NSMCE2: variants seen among roughly 807,000 people sequenced by gnomAD.
NSMCE2 encodes E3 SUMO-protein ligase NSE2.
Under a neutral mutation model 23.8 loss-of-function variants are expected in NSMCE2, and 24 were observed. That is an observed-to-expected ratio of 1.01 (90% CI 0.73 to 1.42). NSMCE2 has a LOEUF of 1.42. Ranked by LOEUF, NSMCE2 falls within the 40% of genes most tolerant of loss-of-function variation. The pLI is 0.00. For missense variants in NSMCE2, 284 were observed against 296.5 expected (o/e 0.96, Z 0.31); for synonymous variants, 92 against 94.1 (o/e 0.98, Z 0.13).
chr8:125,095,591 T>C (rs1482902522), intron 1 of NSMCE2, among the ~76,000 whole-genome samples: 1 of 149,030 alleles, frequency 6.7e-6, no homozygotes, highest in Non-Finnish European at 1.5e-5. Context: ...AGACCCTGTC[T>C]CAAAAACAAA....
At chr8:125,144,356 G>A (rs1820551055) in intron 3 of NSMCE2, among the ~76,000 whole-genome samples, 1 of 152,200 alleles carries the variant, frequency 6.6e-6, no homozygotes, top group South Asian at 2.1e-4. Flanking sequence ...TGGTCTGTTA[G>A]CCATGCCCAC....
chr8:125,222,417 A>G (rs1197547791), intron 5 of NSMCE2, among the ~76,000 whole-genome samples: 8 of 152,186 alleles, frequency 5.3e-5, no homozygotes, highest in African/African-American at 1.9e-4. Context: ...CAAATACATT[A>G]TTAATAATGT....
chr8:125,237,188 C>G (rs1428998160), intron 5 of NSMCE2, among the ~76,000 whole-genome samples: 1 of 152,194 alleles, frequency 6.6e-6, no homozygotes, highest in East Asian at 1.9e-4. Context: ...CATGAAATTA[C>G]CCCCTGAAAA....
At chr8:125,272,716 AAT>A (rs67522578) in intron 5 of NSMCE2, among the ~76,000 whole-genome samples, 3 of 140,488 alleles carry the variant, frequency 2.1e-5, no homozygotes, top group African/African-American at 8.0e-5. Flanking sequence ...ATATATATAT[AAT>A]ATATATATAT....
At chr8:125,334,061 T>C (rs1327270978) in intron 5 of NSMCE2, among the ~76,000 whole-genome samples, 1 of 152,186 alleles carries the variant, frequency 6.6e-6, no homozygotes, top group Non-Finnish European at 1.5e-5. Flanking sequence ...GTGTCTGTAC[T>C]TTCTCATCTG....
At chr8:125,325,424 C>T (rs1829627970) in intron 5 of NSMCE2, among the ~76,000 whole-genome samples, 1 of 152,208 alleles carries the variant, frequency 6.6e-6, no homozygotes, top group African/African-American at 2.4e-5. Context: ...GATCTCGGCT[C>T]ATTGCAACCT....
In NSMCE2 at chr8:125,196,359, C is replaced by G. The variant is rs190697785; in HGVS notation, c.418+14103C>G. 2.0e-5 allele frequency among the ~76,000 whole-genome samples: 3 copies of G among 152,192 alleles called. No homozygotes were observed. In the East Asian group the frequency reaches 5.8e-4, roughly 29 times the overall value. On this transcript the variant is annotated intron_variant, in intron 5 of 7. Coordinates refer to ENST00000287437, the MANE Select transcript of NSMCE2 (RefSeq NM_173685.4). ...TAATGCTATCCCTCCCCCAGCACCC[C>G]TACTCCCTGACAAGCCGTGGTGTGT...
At chr8:125,206,944 A>AC (rs907870358) in intron 5 of NSMCE2, among the ~76,000 whole-genome samples, 31 of 152,284 alleles carry the variant, frequency 2.0e-4, no homozygotes, top group Admixed American at 1.7e-3. Flanking sequence ...GGGGAGAAGG[A>AC]CCAAGGGGCT....
intron 5 of NSMCE2, among the ~76,000 whole-genome samples, chr8:125,323,945 A>G (rs1829547895): frequency 6.6e-6 from 1 of 150,970 alleles, no homozygotes; most frequent in Non-Finnish European, 1.5e-5. Context: ...AGATCTCTCA[A>G]AACTCAATAA....
chr8:125,296,772 T>G (rs1162858436), intron 5 of NSMCE2, among the ~76,000 whole-genome samples: 1 of 152,098 alleles, frequency 6.6e-6, no homozygotes, highest in Admixed American at 6.6e-5. Flanking sequence ...CATAAGACAA[T>G]AACTGCTGAG....
At chr8:125,108,107 T>C (rs1461795972) in intron 3 of NSMCE2, among the ~76,000 whole-genome samples, 1 of 151,894 alleles carries the variant, frequency 6.6e-6, no homozygotes, top group East Asian at 1.9e-4. Flanking sequence ...CAGAAGAAAT[T>C]ACGATGAAAA....
chr8:125,253,993 T>G (rs11991576), intron 5 of NSMCE2, among the ~76,000 whole-genome samples: 1 of 152,162 alleles, frequency 6.6e-6, no homozygotes, highest in African/African-American at 2.4e-5. Flanking sequence ...TCAAAAGGCC[T>G]AGAAGATAAC....
At chr8:125,130,275 G>C (rs1819705106) in intron 3 of NSMCE2, 1 of 456,008 alleles carries the variant, frequency 2.2e-6, no homozygotes, top group Admixed American at 2.3e-5. Context: ...CAAAGCTAGT[G>C]CAAGTCATCA....
At chr8:125,299,348 A>G (rs763190874) in intron 5 of NSMCE2, among the ~76,000 whole-genome samples, 1 of 152,240 alleles carries the variant, frequency 6.6e-6, no homozygotes, top group Non-Finnish European at 1.5e-5. Context: ...GAGACTGGGT[A>G]ATTTATACAG....
Position 125,367,071 on chromosome 8 carries a change from GTTTATT to G in NSMCE2, c.*191_*196del, listed in dbSNP as rs1563809619. On this transcript the variant is annotated 3_prime_UTR_variant, in exon 8 of 8. Transcript: ENST00000287437. ...TACACAACAGAAATGCAATCATATT[GTTTATT>G]TTTAAGTGTTCTATAATGTTAAATA... The G allele has an allele frequency of 1.8e-6, 1 of 544,606 alleles. No homozygotes were observed. 33.7% of individuals were successfully genotyped at this position (544,606 alleles called of 1,614,324 possible).
At chr8:125,340,016 T>TC (rs1554640791) in intron 5 of NSMCE2, among the ~76,000 whole-genome samples, 1 of 136,378 alleles carries the variant, frequency 7.3e-6, no homozygotes, top group African/African-American at 2.7e-5. Flanking sequence ...TTTTTTGTTT[T>TC]TTTTTTTTTT....
intron 4 of NSMCE2, among the ~76,000 whole-genome samples, chr8:125,159,729 G>C (rs935484585): frequency 6.6e-6 from 1 of 152,142 alleles, no homozygotes; most frequent in East Asian, 1.9e-4. Flanking sequence ...AAATTGCTCA[G>C]TTGGTGGATC....
intron 4 of NSMCE2, among the ~76,000 whole-genome samples, chr8:125,169,880 A>G (rs556099110): frequency 2.6e-5 from 4 of 151,502 alleles, no homozygotes; most frequent in African/African-American, 7.3e-5. Context: ...TAGCTCTTTG[A>G]ATGTTCTCTT....
At chr8:125,252,056 C>A (rs1826217898) in intron 5 of NSMCE2, among the ~76,000 whole-genome samples, 2 of 152,184 alleles carry the variant, frequency 1.3e-5, no homozygotes, top group Admixed American at 1.3e-4. Flanking sequence ...TTACAGATGT[C>A]ATCTGGAGAT....
Sources: gnomAD v4.1 joint callset for allele counts (sites outside exome capture counted in the v4.1 genomes callset) on GRCh38, gnomAD v4.1.1 for gene constraint, MANE v1.5 for transcripts, NCBI Gene and HGNC (gene_info 2026-07-23, HGNC 2026-07-21) for gene names.